The following FRMPD4 variants were observed in gnomAD, a reference collection of about 807,000 sequenced individuals.
The protein encoded by FRMPD4 is FERM and PDZ domain-containing protein 4.
In FRMPD4, 22 loss-of-function variants were observed where a neutral mutation model predicts 94.1. The observed-to-expected ratio is 0.23, with a 90% CI of 0.17 to 0.33. The LOEUF (loss-of-function observed/expected upper bound fraction) is 0.33. Ranked by LOEUF, FRMPD4 falls within the 10% of genes least tolerant of loss-of-function variation. The pLI is 1.00. For synonymous variants in FRMPD4, 631 were observed against 548.6 expected, an observed-to-expected ratio of 1.15 and a Z score of -2.10; for missense variants, 1,111 against 1,339.9, an observed-to-expected ratio of 0.83 and a Z score of 2.67.
In FRMPD4 at chrX:12,718,512, G is replaced by GC. The variant is rs1449744954; in HGVS notation, c.3686_3687insC (p.Ala1230CysfsTer21). On this transcript the variant is annotated frameshift_variant, in exon 16 of 17. Transcript: ENST00000675598. LOFTEE classifies it high-confidence loss of function. Reference sequence around the variant, plus strand: ...GGCTGTGGCACAGGCAGCAGTGGCAGTGCCTGTGCCACACCCGTGGAGTCG... The same window carrying GC: ...GGCTGTGGCACAGGCAGCAGTGGCAGCTGCCTGTGCCACACCCGTGGAGTCG... 8.4e-7 allele frequency: 1 copy of GC among 1,196,599 alleles called. No individual in the cohort carries two copies. The highest frequency in any genetic ancestry group is 1.8e-5 in the South Asian group (1 of 56,632).
At chrX:12,562,927 G>A (rs779115604) in intron 2 of FRMPD4, among the ~76,000 whole-genome samples, 2 of 112,409 alleles carry the variant, frequency 1.8e-5, no homozygotes, top group East Asian at 5.6e-4. Flanking sequence ...TGGGATTACA[G>A]GCATGAGCTA....
chrX:12,671,132 T>C (rs747088232), intron 4 of FRMPD4, among the ~76,000 whole-genome samples: 55 of 112,019 alleles, frequency 4.9e-4, no homozygotes, highest in African/African-American at 1.6e-3. Flanking sequence ...TTTTACACTG[T>C]TGGTGGGAGT....
At chrX:12,657,466 G>A (rs146316989) in intron 4 of FRMPD4, among the ~76,000 whole-genome samples, 1 of 112,105 alleles carries the variant, frequency 8.9e-6, no homozygotes, top group East Asian at 2.8e-4. Flanking sequence ...GTGTGAGAGA[G>A]AGTGAGCCCA....
chrX:12,428,816 G>A (rs949110404), intron 1 of FRMPD4, among the ~76,000 whole-genome samples: 3 of 110,550 alleles, frequency 2.7e-5, no homozygotes, highest in African/African-American at 9.9e-5. Context: ...TTTTCTCTGT[G>A]TGTGTTTGGT....
intron 1 of FRMPD4, among the ~76,000 whole-genome samples, chrX:12,235,535 AAGTT>A (rs777588058): frequency 4.5e-5 from 5 of 112,167 alleles, no homozygotes; most frequent in Non-Finnish European, 1.9e-5. Flanking sequence ...GAACATGAAA[AAGTT>A]AGTTTGTTTA....
intron 3 of FRMPD4, among the ~76,000 whole-genome samples, chrX:11,989,431 A>G (rs1424359381): frequency 9.1e-6 from 1 of 110,038 alleles, no homozygotes; most frequent in East Asian, 2.8e-4. Flanking sequence ...CTTAAAATTA[A>G]AACAATTGAA....
chrX:12,583,858 C>A (rs1266132088), intron 2 of FRMPD4, among the ~76,000 whole-genome samples: 2 of 111,796 alleles, frequency 1.8e-5, no homozygotes, highest in Non-Finnish European at 3.8e-5. Flanking sequence ...AGGGAACAAC[C>A]GGTGGGGCCT....
chrX:12,668,266 T>C (rs1242746276), intron 4 of FRMPD4, among the ~76,000 whole-genome samples: 2 of 110,904 alleles, frequency 1.8e-5, no homozygotes, highest in African/African-American at 6.6e-5. Flanking sequence ...TTAATTTTTC[T>C]TGTTTGGCAG....
intron 2 of FRMPD4, among the ~76,000 whole-genome samples, chrX:12,537,088 T>C (rs1851199799): frequency 1.8e-5 from 2 of 111,718 alleles, no homozygotes; most frequent in Admixed American, 1.9e-4. Context: ...ATAATTTTAA[T>C]AAAAATATGT....
intron 1 of FRMPD4, among the ~76,000 whole-genome samples, chrX:12,168,080 G>A (rs964877791): frequency 6.3e-5 from 7 of 110,427 alleles, no homozygotes; most frequent in African/African-American, 2.3e-4. Context: ...TACAATGTGC[G>A]GGGCAGCCCC....
intron 1 of FRMPD4, among the ~76,000 whole-genome samples, chrX:12,173,226 G>A (rs1158114721): frequency 3.6e-5 from 4 of 112,468 alleles, no homozygotes; most frequent in Non-Finnish European, 7.5e-5. Context: ...TATGAGGCAG[G>A]TAATTGGAAG....
chrX:12,029,211 G>T (rs1326741798), intron 3 of FRMPD4, among the ~76,000 whole-genome samples: 2 of 111,937 alleles, frequency 1.8e-5, no homozygotes, highest in African/African-American at 3.2e-5. Context: ...GTTTTAATTT[G>T]CATTTCCCTG....
chrX:12,514,969 T>C (rs780502555), intron 2 of FRMPD4, among the ~76,000 whole-genome samples: 3 of 112,004 alleles, frequency 2.7e-5, no homozygotes, highest in Non-Finnish European at 5.6e-5. Flanking sequence ...TCCAGGATTT[T>C]TTCCATTTCT....
At chrX:11,851,736 A>G (rs2053623226) in intron 1 of FRMPD4, among the ~76,000 whole-genome samples, 1 of 111,550 alleles carries the variant, frequency 9.0e-6, no homozygotes, top group African/African-American at 3.3e-5. Flanking sequence ...AAAGCAGCCT[A>G]CATTTCTTTC....
intron 1 of FRMPD4, among the ~76,000 whole-genome samples, chrX:12,148,382 C>T (rs979401285): frequency 2.7e-5 from 3 of 112,404 alleles, no homozygotes; most frequent in African/African-American, 9.7e-5. Flanking sequence ...TTCCGTTAAG[C>T]CAAAGCCTAA....
intron 4 of FRMPD4, among the ~76,000 whole-genome samples, chrX:12,666,032 C>A (rs1229900244): frequency 9.1e-6 from 1 of 109,296 alleles, no homozygotes; most frequent in Non-Finnish European, 1.9e-5. Context: ...GGAGACCCAT[C>A]TCATGTGCAA....
chrX:12,084,961 A>T (rs1437900563), intron 3 of FRMPD4, among the ~76,000 whole-genome samples: 3 of 112,407 alleles, frequency 2.7e-5, no homozygotes. Context: ...GGGGATCAGA[A>T]ATAATGGAAG....
chrX:12,074,944 G>C (rs1284980635), intron 3 of FRMPD4, among the ~76,000 whole-genome samples: 1 of 112,331 alleles, frequency 8.9e-6, no homozygotes, highest in African/African-American at 3.2e-5. Flanking sequence ...TGTGGGAAGA[G>C]GGTTGTAATC....
At chrX:12,478,928 G>A (rs748642649) in intron 1 of FRMPD4, among the ~76,000 whole-genome samples, 62 of 111,664 alleles carry the variant, frequency 5.6e-4, no homozygotes, top group Middle Eastern at 4.6e-3. Flanking sequence ...CAACTAGCTT[G>A]GCCACATATT....
Sources: allele counts gnomAD v4.1 joint callset (sites outside exome capture counted in the v4.1 genomes callset), GRCh38; gene constraint gnomAD v4.1.1; transcripts MANE v1.5; gene names NCBI Gene and HGNC (gene_info 2026-07-23, HGNC 2026-07-21).